Variants in DNAJA3 observed in about 807,000 individuals in gnomAD.
The protein encoded by DNAJA3 is dnaJ homolog subfamily A member 3, mitochondrial.
A neutral mutation model predicts 54.9 loss-of-function variants in DNAJA3; 29 were observed. That is an observed-to-expected ratio of 0.53 (90% CI 0.39 to 0.72). The LOEUF (loss-of-function observed/expected upper bound fraction) is 0.72, where lower values mean the gene tolerates loss of function less well. Ranked by LOEUF, DNAJA3 falls within the 30% of genes least tolerant of loss-of-function variation. The pLI is 0.00. For synonymous variants in DNAJA3, 302 were observed against 251.4 expected (o/e 1.20, Z -1.90); for missense variants, 708 against 639.4 (o/e 1.11, Z -1.16).
In DNAJA3 at chr16:4,428,038, G is replaced by A. The variant is rs1049848142; in HGVS notation, c.211+1946G>A. Among the ~76,000 whole-genome samples the A allele has an allele frequency of 4.6e-5, 7 of 151,656 alleles. No individual in the cohort carries two copies. In the East Asian group the frequency reaches 7.8e-4, roughly 17 times the overall value. Reference sequence around the variant, plus strand: ...GCTATCTCAGCTCACTGCAAGCTCCGCCTCCCGGGTTCACGCCATTCTCCT... The same window carrying A: ...GCTATCTCAGCTCACTGCAAGCTCCACCTCCCGGGTTCACGCCATTCTCCT... On this transcript the variant is annotated intron_variant, in intron 1 of 11. Coordinates refer to ENST00000262375, the MANE Select transcript of DNAJA3 (RefSeq NM_005147.6).
intron 3 of DNAJA3, among the ~76,000 whole-genome samples, chr16:4,438,019 T>C (rs1325365180): frequency 6.7e-6 from 1 of 149,638 alleles, no homozygotes; most frequent in Non-Finnish European, 1.5e-5. Context: ...GGAATCTCAA[T>C]GAAGAACAGG....
At position 4,455,562 on chromosome 16, in the gene DNAJA3, A is replaced by C. The variant is rs1386084535; in HGVS notation, c.*30A>C. On this transcript the variant is annotated 3_prime_UTR_variant, in exon 12 of 12. Transcript: ENST00000262375. The stretch of plus-strand genomic sequence containing the variant: ...TTGGCTCAGGAAAAAGATCCACTGG[A>C]AACTAGGCCGGGAAGCAGCAGCCCC... The C allele has an allele frequency of 1.3e-6, 2 of 1,551,784 alleles. No individual in the cohort carries two copies. The highest frequency in any genetic ancestry group is 8.7e-7 in the Non-Finnish European group (1 of 1,146,990).
intron 10 of DNAJA3, 42 bp downstream of exon 10, chr16:4,450,539 A>G (rs765105976): frequency 6.8e-7 from 1 of 1,464,822 alleles, no homozygotes; most frequent in South Asian, 1.2e-5. Context: ...TGGGGGCCTC[A>G]GAGCCCCCCA....
intron 4 of DNAJA3, 122 bp downstream of exon 4, chr16:4,441,697 G>A: frequency 1.1e-6 from 1 of 893,244 alleles, no homozygotes; most frequent in Non-Finnish European, 1.7e-6. Context: ...TCTGGAGGCA[G>A]CCATTTTAGT....
intron 7 of DNAJA3, among the ~76,000 whole-genome samples, chr16:4,446,682 G>A (rs995389624): frequency 1.3e-5 from 2 of 152,230 alleles, no homozygotes; most frequent in African/African-American, 4.8e-5. Flanking sequence ...ACATTGCAGT[G>A]TTGAAATATG....
intron 3 of DNAJA3, chr16:4,440,395 C>T (rs2056824015): frequency 6.6e-6 from 1 of 151,058 alleles, no homozygotes; most frequent in African/African-American, 2.4e-5. Flanking sequence ...TCGAGACCAT[C>T]CTGGCAAACG....
intron 3 of DNAJA3, 44 bp from the exon 4 acceptor site, chr16:4,441,331 C>T (rs2056833280): frequency 1.3e-6 from 2 of 1,561,720 alleles, no homozygotes; most frequent in South Asian, 2.3e-5. Context: ...ATTCCTGGGC[C>T]TTGGTAGACC....
intron 10 of DNAJA3, 119 bp downstream of exon 10, chr16:4,450,616 T>C: frequency 1.3e-6 from 1 of 755,250 alleles, no homozygotes. Context: ...GCCTTTAAAA[T>C]GTGCAGTTGA....
chr16:4,430,231 TAAC>T (rs774577344), intron 1 of DNAJA3, among the ~76,000 whole-genome samples: 2 of 151,876 alleles, frequency 1.3e-5, no homozygotes, highest in Admixed American at 1.3e-4. Context: ...TAAGATGACA[TAAC>T]AACATTTTAG....
intron 7 of DNAJA3, among the ~76,000 whole-genome samples, chr16:4,446,280 G>T (rs1207758759): frequency 2.2e-5 from 3 of 136,686 alleles, no homozygotes; most frequent in African/African-American, 8.3e-5. Context: ...GTCTCGCTCT[G>T]TTGCTCAGGC....
At chr16:4,440,662 T>A (rs2056827196) in intron 3 of DNAJA3, 1 of 150,796 alleles carries the variant, frequency 6.6e-6, no homozygotes, top group Non-Finnish European at 1.5e-5. Context: ...CTTTTTGAGG[T>A]AGTTAGTCCT....
At chr16:4,445,046 A>G (rs1039398811) in intron 7 of DNAJA3, among the ~76,000 whole-genome samples, 10 of 152,240 alleles carry the variant, frequency 6.6e-5, no homozygotes, top group Non-Finnish European at 1.3e-4. Flanking sequence ...ACAATTTTAC[A>G]TACTGTATAC....
chr16:4,448,264 A>G (rs993228865), intron 8 of DNAJA3, among the ~76,000 whole-genome samples: 1 of 148,386 alleles, frequency 6.7e-6, no homozygotes, highest in African/African-American at 2.5e-5. Flanking sequence ...TGACCTCGTG[A>G]TCTGCCTGCC....
chr16:4,453,080 A>T (rs575003031), intron 10 of DNAJA3, among the ~76,000 whole-genome samples: 10 of 152,204 alleles, frequency 6.6e-5, no homozygotes, highest in Non-Finnish European at 5.9e-5. Context: ...TTTGAGGCAG[A>T]GTCTTGCTCT....
intron 5 of DNAJA3, 131 bp from the exon 6 acceptor site, chr16:4,442,886 A>T: frequency 1.0e-6 from 1 of 971,844 alleles, no homozygotes; most frequent in Non-Finnish European, 1.5e-6. Flanking sequence ...GTTCCTAGGC[A>T]GTGTGTTTGA....
At position 4,455,426 on chromosome 16, in the gene DNAJA3, A is replaced by G. The variant is rs2141400941; in HGVS notation, c.*14-120A>G. On this transcript the variant is annotated intron_variant, in intron 11 of 11. Coordinates refer to ENST00000262375, the MANE Select transcript of DNAJA3 (RefSeq NM_005147.6). ...TTGGTTTATTATGCTCATCTCAGCA[A>G]GTGGGGTTCTCGCCCCTCTCTTGGC... 4 of 1,202,550 alleles carry G rather than the reference A, an allele frequency of 3.3e-6. No individual in the cohort carries two copies. The South Asian group carries it at 5.4e-5, about 16-fold the overall frequency. 74.5% of individuals were successfully genotyped at this position (1,202,550 alleles called of 1,614,324 possible).
At position 4,437,812 on chromosome 16, in the gene DNAJA3, C is replaced by T. The variant is rs186257877; in HGVS notation, c.429+327C>T. On this transcript the variant is annotated intron_variant, in intron 3 of 11. Coordinates refer to ENST00000262375, the MANE Select transcript of DNAJA3 (RefSeq NM_005147.6). Reference sequence around the variant, plus strand: ...AAAAAAAAAAAAAAAAATCACCAGGCGTGGTGGTGGCGCACCTGTAAACCC... The same window carrying T: ...AAAAAAAAAAAAAAAAATCACCAGGTGTGGTGGTGGCGCACCTGTAAACCC... Among the ~76,000 whole-genome samples, 68 of 150,108 alleles carry T rather than the reference C, an allele frequency of 4.5e-4. 2 individuals are homozygous for T. The East Asian group carries it at 0.013, about 29-fold the overall frequency.
chr16:4,443,001 T>C lies in DNAJA3; in HGVS notation c.784-16T>C. ...TACCTGCGTACTTAGGTTACCATTT[T>C]TCTTGTTTTTATCAGGAAACCATCA... On this transcript the variant is annotated splice_polypyrimidine_tract_variant and intron_variant, in intron 5 of 11. Coordinates refer to ENST00000262375, the MANE Select transcript of DNAJA3 (RefSeq NM_005147.6). 6.2e-7 allele frequency: 1 copy of C among 1,611,132 alleles called. No individual in the cohort carries two copies. Among genetic ancestry groups the C allele is most frequent in the Non-Finnish European group, 8.5e-7 (1 of 1,178,066 alleles).
intron 1 of DNAJA3, among the ~76,000 whole-genome samples, chr16:4,433,573 A>C (rs1235055010): frequency 6.6e-6 from 1 of 152,184 alleles, no homozygotes; most frequent in African/African-American, 2.4e-5. Flanking sequence ...TGGTCCAGGG[A>C]GCGCAGTCTT....
Sources: gnomAD v4.1 joint callset for allele counts (sites outside exome capture counted in the v4.1 genomes callset) on GRCh38, gnomAD v4.1.1 for gene constraint, MANE v1.5 for transcripts, NCBI Gene and HGNC (gene_info 2026-07-23, HGNC 2026-07-21) for gene names.